Variants in RBFOX1 observed in about 807,000 individuals in gnomAD.
The protein encoded by RBFOX1 is RNA binding fox-1 homolog 1.
RBFOX1 carries 8 observed loss-of-function variants against 57.7 expected under a neutral mutation model. That is an observed-to-expected ratio of 0.14 (90% CI 0.08 to 0.25). The LOEUF (loss-of-function observed/expected upper bound fraction) is 0.25. RBFOX1 is among the 10% of genes least tolerant of loss of function. The probability of loss-of-function intolerance (pLI) is 1.00; values close to 1 mark genes in which losing one functional copy is unlikely to be tolerated. For synonymous variants in RBFOX1, 326 were observed against 222.4 expected, an observed-to-expected ratio of 1.47 and a Z score of -4.15; for missense variants, 611 against 548.5, an observed-to-expected ratio of 1.11 and a Z score of -1.14.
rs1441877039 is a variant in RBFOX1, at chr16:6,042,188, C to T, written c.-127+22196C>T. 4.6e-5 allele frequency among the ~76,000 whole-genome samples: 7 copies of T among 151,670 alleles called. No homozygotes were observed. In the East Asian group the frequency reaches 1.4e-3, roughly 29 times the overall value. ...CCATCTCGGCTGACTGCAACTTCTG[C>T]CTCCCAAGTTCAAGTGGTTCTCCTG... On this transcript the variant is annotated intron_variant, in intron 1 of 15. Coordinates refer to ENST00000550418, the MANE Select transcript of RBFOX1 (RefSeq NM_018723.4).
At chr16:7,617,577 G>A (rs1016363510) in intron 10 of RBFOX1, among the ~76,000 whole-genome samples, 2 of 152,108 alleles carry the variant, frequency 1.3e-5, no homozygotes, top group Non-Finnish European at 2.9e-5. Context: ...ACCTTAGCTG[G>A]ATGGCACTCA....
intron 1 of RBFOX1, among the ~76,000 whole-genome samples, chr16:5,428,592 G>C (rs1275132727): frequency 6.6e-6 from 1 of 152,146 alleles, no homozygotes; most frequent in Non-Finnish European, 1.5e-5. Flanking sequence ...GAGGAGACCA[G>C]GAAGGACTGA....
At chr16:5,617,490 G>C (rs931497931) in intron 3 of RBFOX1, among the ~76,000 whole-genome samples, 1 of 152,182 alleles carries the variant, frequency 6.6e-6, no homozygotes, top group East Asian at 1.9e-4. Context: ...CATCAGGCTT[G>C]TTCCCCTCCT....
chr16:6,623,036 A>G (rs937938573), intron 2 of RBFOX1, among the ~76,000 whole-genome samples: 2 of 152,236 alleles, frequency 1.3e-5, no homozygotes, highest in African/African-American at 2.4e-5. Flanking sequence ...CCTCTTTGGC[A>G]AAAGACCTTT....
At chr16:5,241,065 G>A (rs1348470745) in intron 1 of RBFOX1, among the ~76,000 whole-genome samples, 1 of 152,222 alleles carries the variant, frequency 6.6e-6, no homozygotes, top group African/African-American at 2.4e-5. Context: ...TTGATTCGTG[G>A]TTAATGAGCC....
At chr16:7,038,188 C>T (rs1421864733) in intron 3 of RBFOX1, among the ~76,000 whole-genome samples, 4 of 152,032 alleles carry the variant, frequency 2.6e-5, no homozygotes, top group South Asian at 2.1e-4. Flanking sequence ...TATAGGGTAA[C>T]GATGGTCCCA....
intron 1 of RBFOX1, among the ~76,000 whole-genome samples, chr16:6,172,221 C>T (rs1450085480): frequency 6.6e-6 from 1 of 152,128 alleles, no homozygotes; most frequent in African/African-American, 2.4e-5. Flanking sequence ...ACTTTGCAGC[C>T]TGTGAGCTAA....
chr16:7,341,403 G>C (rs1332096626), intron 4 of RBFOX1, among the ~76,000 whole-genome samples: 1 of 152,172 alleles, frequency 6.6e-6, no homozygotes, highest in African/African-American at 2.4e-5. Context: ...TTTCGTGACT[G>C]TTGTCTTGCA....
chr16:6,340,059 T>C (rs2084324297), intron 2 of RBFOX1, among the ~76,000 whole-genome samples: 2 of 152,048 alleles, frequency 1.3e-5, no homozygotes, highest in South Asian at 4.2e-4. Flanking sequence ...ATGCAAAAGG[T>C]TGGTATCTAG....
At chr16:6,444,739 G>T (rs1488949323) in intron 2 of RBFOX1, among the ~76,000 whole-genome samples, 5 of 152,106 alleles carry the variant, frequency 3.3e-5, no homozygotes, top group Admixed American at 2.0e-4. Flanking sequence ...TGCAGAGTCT[G>T]TGTGGCTGAG....
chr16:5,855,491 A>G (rs989475202), intron 3 of RBFOX1, among the ~76,000 whole-genome samples: 3 of 152,142 alleles, frequency 2.0e-5, no homozygotes, highest in Non-Finnish European at 2.9e-5. Context: ...TTCTTTCCAC[A>G]TTGTGTGTTC....
At chr16:7,369,230 A>C (rs1382317586) in intron 4 of RBFOX1, among the ~76,000 whole-genome samples, 1 of 150,902 alleles carries the variant, frequency 6.6e-6, no homozygotes, top group Admixed American at 6.6e-5. Context: ...AAGCAAACAC[A>C]CCCAAACAAA....
intron 1 of RBFOX1, among the ~76,000 whole-genome samples, chr16:6,114,630 T>C (rs1268145543): frequency 1.3e-5 from 2 of 152,182 alleles, no homozygotes; most frequent in East Asian, 3.8e-4. Context: ...GATACTGTTT[T>C]TATGAGACAA....
chr16:6,380,648 G>C (rs767372571), intron 2 of RBFOX1, among the ~76,000 whole-genome samples: 87 of 151,822 alleles, frequency 5.7e-4, no homozygotes, highest in Non-Finnish European at 7.8e-4. Flanking sequence ...CTTTTCCTCT[G>C]ACATGCATTG....
At chr16:7,172,698 G>C (rs565568064) in intron 4 of RBFOX1, among the ~76,000 whole-genome samples, 1 of 152,300 alleles carries the variant, frequency 6.6e-6, no homozygotes, top group Non-Finnish European at 1.5e-5. Context: ...AGGCAGAGGG[G>C]GATCTTGACA....
intron 4 of RBFOX1, among the ~76,000 whole-genome samples, chr16:7,413,306 C>T (rs1568733004): frequency 6.6e-6 from 1 of 152,098 alleles, no homozygotes; most frequent in Non-Finnish European, 1.5e-5. Flanking sequence ...GGCCACCCTC[C>T]TGCATCTGAC....
At chr16:6,634,917 T>C (rs2098419837) in intron 2 of RBFOX1, among the ~76,000 whole-genome samples, 1 of 121,472 alleles carries the variant, frequency 8.2e-6, no homozygotes, top group South Asian at 2.6e-4. Flanking sequence ...TTTTAATTTA[T>C]ATAATATAAT....
intron 3 of RBFOX1, among the ~76,000 whole-genome samples, chr16:5,683,604 C>T (rs993496603): frequency 2.0e-5 from 3 of 151,990 alleles, no homozygotes; most frequent in Non-Finnish European, 4.4e-5. Context: ...CTGGATGCCT[C>T]CTGCCCTTGA....
At chr16:7,641,948 G>A (rs1371103287) in intron 11 of RBFOX1, among the ~76,000 whole-genome samples, 1 of 152,070 alleles carries the variant, frequency 6.6e-6, no homozygotes, top group Admixed American at 6.6e-5. Flanking sequence ...ACCTTCTCCA[G>A]GATTTTTTAA....
Sources: gnomAD v4.1 joint callset for allele counts (sites outside exome capture counted in the v4.1 genomes callset) on GRCh38, gnomAD v4.1.1 for gene constraint, MANE v1.5 for transcripts, NCBI Gene and HGNC (gene_info 2026-07-23, HGNC 2026-07-21) for gene names.